Variants in PRC1 observed in about 807,000 individuals in gnomAD.
The protein encoded by PRC1 is anaphase spindle elongation 1 homolog.
PRC1 carries 54 observed loss-of-function variants against 91.2 expected under a neutral mutation model. The observed-to-expected ratio is 0.59, with a 90% CI of 0.48 to 0.74. The LOEUF is 0.74. Ranked by LOEUF, PRC1 falls within the 30% of genes least tolerant of loss-of-function variation. The pLI is 0.00. For missense variants in PRC1, 727 were observed against 746.2 expected, an observed-to-expected ratio of 0.97 and a Z score of 0.30; for synonymous variants, 275 against 263.6, an observed-to-expected ratio of 1.04 and a Z score of -0.42.
chr15:90,979,219 T>C lies in PRC1; in HGVS notation c.1046A>G (p.Lys349Arg), dbSNP rs1191977867. 7 of 1,614,202 alleles carry C rather than the reference T, an allele frequency of 4.3e-6. No individual in the cohort carries two copies. The South Asian group carries it at 6.6e-5, about 15-fold the overall frequency. ...CTTCTGGACACCTTCAAAGAGTTCC[T>C]TGTGAACTTCATAGTAGTTTTTTAA... ...VRLKNYYEVH[K>R]ELFEGVQKWE... The change falls in exon 8 of 15, where the codon AAG (lysine) becomes AGG (arginine). Residue 349 changes from lysine to arginine, a missense_variant. Transcript: ENST00000394249.
In PRC1 at chr15:90,979,412, G is replaced by C. The variant is rs537563576; in HGVS notation, c.971-118C>G. On this transcript the variant is annotated intron_variant, in intron 7 of 14. Transcript: ENST00000394249. ...TCTTTCCTTATAGTAAACTGATACA[G>C]GAAGAGGCGTGTGTGTGTGTGTAAT... 9.2e-5 allele frequency: 110 copies of C among 1,194,878 alleles called. 2 individuals carry two copies. The South Asian group carries it at 1.6e-3, about 17-fold the overall frequency. 74.0% of individuals were successfully genotyped at this position (1,194,878 alleles called of 1,614,324 possible).
Position 90,979,090 on chromosome 15 carries a change from C to A in PRC1, c.1107+68G>T, listed in dbSNP as rs181140715. The A allele has an allele frequency of 4.1e-5, 62 of 1,523,880 alleles. 2 individuals carry two copies. Among genetic ancestry groups the A allele is most frequent in the South Asian group, 3.8e-4 (30 of 79,168 alleles). The allele number at this position is 1,523,880 out of a possible 1,614,324, so 94.4% of individuals were successfully genotyped here. ...ATCAAAAGCCTGGCAAAGAACAAAG[C>A]TAACTGGATTGATTCCGTACATGGC... On this transcript the variant is annotated intron_variant, in intron 8 of 14. Coordinates refer to ENST00000394249, the MANE Select transcript of PRC1 (RefSeq NM_003981.4).
chr15:90,966,955 C>A lies in PRC1; in HGVS notation c.*176G>T. On this transcript the variant is annotated 3_prime_UTR_variant, in exon 15 of 15. Coordinates refer to ENST00000394249, the MANE Select transcript of PRC1 (RefSeq NM_003981.4). Reference sequence around the variant, plus strand: ...AACCAAGTCTCCTAGGACCACTAAACCTATGATGGGCTTTCAACTGTAACA... The same window carrying A: ...AACCAAGTCTCCTAGGACCACTAAAACTATGATGGGCTTTCAACTGTAACA... 1.6e-6 allele frequency: 1 copy of A among 628,024 alleles called. No homozygotes were observed. The highest frequency in any genetic ancestry group is 2.8e-6 in the Non-Finnish European group (1 of 354,736). The allele number at this position is 628,024 out of a possible 1,614,324, so 38.9% of individuals were successfully genotyped here. A position where few individuals can be genotyped will look rare whatever the true frequency, so the allele number is the denominator to read the frequency against.
intron 1 of PRC1, among the ~76,000 whole-genome samples, chr15:90,986,726 G>A (rs982962249): frequency 6.6e-6 from 1 of 151,910 alleles, no homozygotes; most frequent in Non-Finnish European, 1.5e-5. Flanking sequence ...CTTTTTTGGG[G>A]TGATGAAATA....
chr15:90,978,031 G>C (rs750303914), intron 8 of PRC1, among the ~76,000 whole-genome samples: 4 of 152,168 alleles, frequency 2.6e-5, no homozygotes, highest in Non-Finnish European at 5.9e-5. Flanking sequence ...AAACTTGAAG[G>C]AGTTGAATTC....
In PRC1 at chr15:90,984,186, A is replaced by G. The variant is rs2039415168; in HGVS notation, c.145-46T>C. Reference sequence around the variant, plus strand: ...CATAAGTTTGGGGCAATGGAGGAAAAAAACTCCCAACACCAATACCAAACT... The same window carrying G: ...CATAAGTTTGGGGCAATGGAGGAAAGAAACTCCCAACACCAATACCAAACT... On this transcript the variant is annotated intron_variant, in intron 2 of 14. Coordinates refer to ENST00000394249, the MANE Select transcript of PRC1 (RefSeq NM_003981.4). This position sits in a 1 kb window ranked among gnomAD's most constrained non-coding sequence, Gnocchi z 5.1. The G allele has an allele frequency of 6.2e-7, 1 of 1,602,430 alleles. No homozygotes were observed. Among genetic ancestry groups the G allele is most frequent in the Non-Finnish European group, 8.5e-7 (1 of 1,173,504 alleles).
At chr15:90,980,789 A>C in intron 6 of PRC1, 95 bp downstream of exon 6, 1 of 1,540,086 alleles carries the variant, frequency 6.5e-7, no homozygotes, top group Non-Finnish European at 8.9e-7. Flanking sequence ...TAGAGGCATG[A>C]ACCACTGAGC....
At chr15:90,970,042 C>T (rs2037970676) in intron 12 of PRC1, among the ~76,000 whole-genome samples, 1 of 152,078 alleles carries the variant, frequency 6.6e-6, no homozygotes, top group Non-Finnish European at 1.5e-5. Context: ...CTACTGAGTA[C>T]CTGGCATGTC....
intron 1 of PRC1, among the ~76,000 whole-genome samples, chr15:90,992,638 T>C (rs1038481997): frequency 1.3e-5 from 2 of 152,256 alleles, no homozygotes; most frequent in East Asian, 3.9e-4. Flanking sequence ...TTATGAACAA[T>C]TATCATGATA....
intron 1 of PRC1, chr15:90,988,421 C>T (rs2039734680): frequency 6.6e-6 from 1 of 152,202 alleles, no homozygotes; most frequent in Non-Finnish European, 1.5e-5. Context: ...TAAATCCCAT[C>T]AGATCCCCGC....
At chr15:90,967,507 C>T (rs150616000) in intron 14 of PRC1, 2 of 316,712 alleles carry the variant, frequency 6.3e-6, no homozygotes, top group Non-Finnish European at 1.2e-5. Flanking sequence ...TTTCAGTTAA[C>T]GACAGGCCAC....
chr15:90,977,431 C>G (rs565815999), intron 8 of PRC1: 1 of 152,254 alleles, frequency 6.6e-6, no homozygotes, highest in Non-Finnish European at 1.5e-5. Context: ...AGAAGATATT[C>G]TAGAAAATTA....
intron 1 of PRC1, chr15:90,987,807 T>G (rs546028429): frequency 7.9e-5 from 12 of 152,312 alleles, no homozygotes; most frequent in African/African-American, 2.9e-4. Context: ...CTCAGAGCTT[T>G]CGGTGGTTCT....
intron 14 of PRC1, 54 bp downstream of exon 14, chr15:90,969,025 C>T: frequency 1.2e-6 from 2 of 1,613,298 alleles, no homozygotes; most frequent in South Asian, 2.2e-5. Flanking sequence ...TGAATGAAGC[C>T]AGCAGATGAC....
Position 90,980,424 on chromosome 15 carries a change from T to C in PRC1, c.823-35A>G, listed in dbSNP as rs561356335. On this transcript the variant is annotated intron_variant, in intron 6 of 14. Coordinates refer to ENST00000394249, the MANE Select transcript of PRC1 (RefSeq NM_003981.4). ...AGAAACTTGTTAAGGGTGGCTGCCA[T>C]AGTTTTATATTCACTCAGGTTTGCA... is the stretch of plus-strand genomic sequence containing the variant. 25 of 1,601,294 alleles carry C rather than the reference T, an allele frequency of 1.6e-5. No individual in the cohort carries two copies. The South Asian group carries it at 2.1e-4, about 14-fold the overall frequency.
At position 90,969,104 on chromosome 15, in the gene PRC1, G is replaced by C; in HGVS notation, c.1766C>G (p.Ser589Cys). 6.2e-7 allele frequency: 1 copy of C among 1,613,454 alleles called. No homozygotes were observed. Reference sequence around the variant, plus strand: ...CTGAAGCCCAACAGTGGAACTGTCAGAGAGGGACGGATCCTTCTAAGAACA... The same window carrying C: ...CTGAAGCCCAACAGTGGAACTGTCACAGAGGGACGGATCCTTCTAAGAACA... ...YSEFAKDPSL[S>C]DSSTVGLQRE... The change falls in exon 14 of 15, where the codon TCT becomes TGT. Residue 589 changes from serine (S) to cysteine (C), a missense_variant. Ser to Cys is a moderately radical substitution (Grantham distance 112). Coordinates refer to ENST00000394249, the MANE Select transcript of PRC1 (RefSeq NM_003981.4).
At chr15:90,982,343 A>G (rs2039262769) in intron 3 of PRC1, among the ~76,000 whole-genome samples, 1 of 152,208 alleles carries the variant, frequency 6.6e-6, no homozygotes, top group Non-Finnish European at 1.5e-5. Context: ...GTGAAACTTC[A>G]TACTCAAACA....
chr15:90,987,445 G>A (rs8026781), intron 1 of PRC1, among the ~76,000 whole-genome samples: 45,240 of 151,938 alleles, frequency 0.3, 8,337 homozygotes, highest in East Asian at 0.52. Flanking sequence ...ATTTCTGTAC[G>A]TTTCTGAATG....
chr15:90,989,647 A>G (rs1397670103), intron 1 of PRC1, among the ~76,000 whole-genome samples: 1 of 152,058 alleles, frequency 6.6e-6, no homozygotes, highest in African/African-American at 2.4e-5. Context: ...AACTGTTTAT[A>G]GCAGCATTAC....
Sources: allele counts gnomAD v4.1 joint callset (sites outside exome capture counted in the v4.1 genomes callset), GRCh38; gene constraint gnomAD v4.1.1; non-coding constraint Gnocchi (gnomAD v3.1); transcripts MANE v1.5; gene names NCBI Gene and HGNC (gene_info 2026-07-23, HGNC 2026-07-21).